Variants in CASZ1 observed in about 807,000 individuals in gnomAD.
CASZ1 encodes zinc finger protein castor homolog 1.
Under a neutral mutation model 135.2 loss-of-function variants are expected in CASZ1, and 28 were observed. The ratio of observed to expected loss-of-function variants is 0.21; its 90% CI spans 0.15 to 0.28. The LOEUF (loss-of-function observed/expected upper bound fraction) is 0.28, where lower values mean the gene tolerates loss of function less well. Among genes scored for constraint, CASZ1 ranks in the 10% least tolerant of loss-of-function variants. The pLI, the probability that CASZ1 is intolerant of heterozygous loss-of-function variation, is 1.00. For synonymous variants in CASZ1, 1,068 were observed against 1,073.4 expected (o/e 0.99, Z 0.10); for missense variants, 2,161 against 2,453.3 (o/e 0.88, Z 2.52).
intron 2 of CASZ1, among the ~76,000 whole-genome samples, chr1:10,742,567 T>C (rs1225222892): frequency 2.0e-5 from 3 of 152,164 alleles, no homozygotes; most frequent in Admixed American, 1.3e-4. Flanking sequence ...TCCCTGTCTT[T>C]CATGGCTCCC....
chr1:10,718,927 G>A (rs1247648167), intron 2 of CASZ1, among the ~76,000 whole-genome samples: 1 of 152,088 alleles, frequency 6.6e-6, no homozygotes, highest in Non-Finnish European at 1.5e-5. Flanking sequence ...AGGCTGGAGT[G>A]CATTTGTGCA....
rs1639412385 is a variant in CASZ1 at position 10,717,303 on chromosome 1, C to T, written c.-76-11759G>A. ...TGCAGCTCCCCAGTTCCCCAAACTTCCCACTTGGCTTCTCTGCCTTTCTGT... is the reference window on the plus strand; with the variant it reads ...TGCAGCTCCCCAGTTCCCCAAACTTTCCACTTGGCTTCTCTGCCTTTCTGT... On this transcript the variant is annotated intron_variant, in intron 2 of 20. Coordinates refer to ENST00000377022, the MANE Select transcript of CASZ1 (RefSeq NM_001079843.3). The surrounding 1 kb of genome is among the most constrained non-coding windows in gnomAD (Gnocchi z 4.6). Among the ~76,000 whole-genome samples, 1 of 152,212 alleles carries T rather than the reference C, an allele frequency of 6.6e-6. No homozygotes were observed. Among genetic ancestry groups the T allele is most frequent in the African/African-American group, 2.4e-5 (1 of 41,458 alleles).
chr1:10,737,265 C>A (rs563121622), intron 2 of CASZ1, among the ~76,000 whole-genome samples: 4 of 152,182 alleles, frequency 2.6e-5, no homozygotes, highest in Non-Finnish European at 5.9e-5. Context: ...TTTTCATTAG[C>A]GGTGGAGGCA....
At position 10,721,424 on chromosome 1, in the gene CASZ1, T is replaced by G. The variant is rs1409573192; in HGVS notation, c.-76-15880A>C. 6.6e-6 allele frequency among the ~76,000 whole-genome samples: 1 copy of G among 152,244 alleles called. No individual in the cohort carries two copies. Among genetic ancestry groups the G allele is most frequent in the African/African-American group, 2.4e-5 (1 of 41,458 alleles). ...GAGAGGATTTATTTGTGACATTCTG[T>G]CTGGGTGAGAGAAAACAAAAAAGGC... On this transcript the variant is annotated intron_variant, in intron 2 of 20. Coordinates refer to ENST00000377022, the MANE Select transcript of CASZ1 (RefSeq NM_001079843.3). The surrounding 1 kb of genome is among the most constrained non-coding windows in gnomAD (Gnocchi z 5.4).
rs1033881052 is a variant in CASZ1 at position 10,759,507 on chromosome 1, C to T, written c.-77+1194G>A. 3.3e-5 allele frequency among the ~76,000 whole-genome samples: 5 copies of T among 152,292 alleles called. No individual in the cohort carries two copies. Among genetic ancestry groups the T allele is most frequent in the South Asian group, 2.1e-4 (1 of 4,830 alleles). The stretch of plus-strand genomic sequence containing the variant: ...CAGCCACACAGTTGCCCCACCACAG[C>T]GACCAAAGGCCACATTTGCATCTGA... On this transcript the variant is annotated intron_variant, in intron 2 of 20. Transcript: ENST00000377022. The surrounding 1 kb of genome is among the most constrained non-coding windows in gnomAD (Gnocchi z 4.2).
rs899333278 is a variant in CASZ1 at position 10,747,163 on chromosome 1, A to G, written c.-77+13538T>C. The stretch of plus-strand genomic sequence containing the variant: ...TGCCCCAGGAGGCTCCAGCTACTCC[A>G]CCAGCTACCCCCATACCCTCTGAGC... On this transcript the variant is annotated intron_variant, in intron 2 of 20. Transcript: ENST00000377022. The surrounding 1 kb of genome is among the most constrained non-coding windows in gnomAD (Gnocchi z 4.3). 1.3e-5 allele frequency among the ~76,000 whole-genome samples: 2 copies of G among 152,188 alleles called. No individual in the cohort carries two copies. The highest frequency in any genetic ancestry group is 4.8e-5 in the African/African-American group (2 of 41,434).
At position 10,770,212 on chromosome 1, in the gene CASZ1, G is replaced by A. The variant is rs577165445; in HGVS notation, c.-233-9355C>T. On this transcript the variant is annotated intron_variant, in intron 1 of 20. Coordinates refer to ENST00000377022, the MANE Select transcript of CASZ1 (RefSeq NM_001079843.3). The stretch of plus-strand genomic sequence containing the variant: ...CCATACTCCCACCTCAGCCTCTCAA[G>A]TAGCTGGGACTACAGATGTGTACCA... Among the ~76,000 whole-genome samples, 4 of 152,114 alleles carry A rather than the reference G, an allele frequency of 2.6e-5. No homozygotes were observed. In the South Asian group the frequency reaches 6.2e-4, roughly 24 times the overall value.
intron 11 of CASZ1, chr1:10,653,003 C>T: frequency 3.4e-6 from 1 of 290,472 alleles, no homozygotes. Context: ...GGAGGAAACG[C>T]TCGGCACGCC....
rs1044153459 is a variant in CASZ1 at position 10,757,406 on chromosome 1, C to A, written c.-77+3295G>T. ...CCCCGCCTGTCCACCTCCTCCTCAC[C>A]CAGCCACCATCCTCTCACACCATCG... On this transcript the variant is annotated intron_variant, in intron 2 of 20. Coordinates refer to ENST00000377022, the MANE Select transcript of CASZ1 (RefSeq NM_001079843.3). This position sits in a 1 kb window ranked among gnomAD's most constrained non-coding sequence, Gnocchi z 4.6. Among the ~76,000 whole-genome samples the A allele has an allele frequency of 4.6e-5, 7 of 152,176 alleles. No homozygotes were observed. Among genetic ancestry groups the A allele is most frequent in the Non-Finnish European group, 8.8e-5 (6 of 68,020 alleles).
At chr1:10,750,991 T>C (rs1270598631) in intron 2 of CASZ1, among the ~76,000 whole-genome samples, 1 of 151,618 alleles carries the variant, frequency 6.6e-6, no homozygotes, top group Admixed American at 6.6e-5. Flanking sequence ...TGAGAGCTGC[T>C]GCGTGTGGAG....
In CASZ1 at chr1:10,755,835, G is replaced by A. The variant is rs759447774; in HGVS notation, c.-77+4866C>T. Among the ~76,000 whole-genome samples the A allele has an allele frequency of 2.8e-4, 42 of 152,016 alleles. No individual in the cohort carries two copies. Among genetic ancestry groups the A allele is most frequent in the Non-Finnish European group, 5.0e-4 (34 of 67,994 alleles). On this transcript the variant is annotated intron_variant, in intron 2 of 20. Coordinates refer to ENST00000377022, the MANE Select transcript of CASZ1 (RefSeq NM_001079843.3). The surrounding 1 kb of genome is among the most constrained non-coding windows in gnomAD (Gnocchi z 4.3). Reference sequence around the variant, plus strand: ...GCACCACATCACGGTGGGAGGTGGGGAACCCTCCTGCTCCCACCCCTCTGC... The same window carrying A: ...GCACCACATCACGGTGGGAGGTGGGAAACCCTCCTGCTCCCACCCCTCTGC...
chr1:10,661,262 G>A (rs1201460260), intron 5 of CASZ1: 3 of 152,304 alleles, frequency 2.0e-5, no homozygotes, highest in East Asian at 1.9e-4. Flanking sequence ...GTCACACAAG[G>A]TTGGGCCACC....
At chr1:10,744,718 G>A (rs1393813565) in intron 2 of CASZ1, among the ~76,000 whole-genome samples, 1 of 126,848 alleles carries the variant, frequency 7.9e-6, no homozygotes, top group Non-Finnish European at 1.6e-5. Context: ...ACCACGAGCA[G>A]GCATGTCCTG....
Position 10,694,220 on chromosome 1 carries a change from G to T in CASZ1, c.-23-308C>A. On this transcript the variant is annotated intron_variant, in intron 3 of 20. Coordinates refer to ENST00000377022, the MANE Select transcript of CASZ1 (RefSeq NM_001079843.3). This position sits in a 1 kb window ranked among gnomAD's most constrained non-coding sequence, Gnocchi z 6.6. Reference sequence around the variant, plus strand: ...CGAGGCCCAGGGGCGCCCCCGTCCCGCCGACCGCGCCCCGCGCCCGGGTCG... The same window carrying T: ...CGAGGCCCAGGGGCGCCCCCGTCCCTCCGACCGCGCCCCGCGCCCGGGTCG... 1 of 575,246 alleles carries T rather than the reference G, an allele frequency of 1.7e-6. No homozygotes were observed. Among genetic ancestry groups the T allele is most frequent in the Non-Finnish European group, 2.2e-6 (1 of 456,330 alleles). 35.6% of individuals were successfully genotyped at this position (575,246 alleles called of 1,614,324 possible).
chr1:10,690,691 G>A (rs900516452), intron 4 of CASZ1, among the ~76,000 whole-genome samples: 1 of 152,160 alleles, frequency 6.6e-6, no homozygotes, highest in Admixed American at 6.5e-5. Flanking sequence ...CCTGCAGTCC[G>A]TGGCCATCCC....
At chr1:10,780,939 G>A (rs1185211334) in intron 1 of CASZ1, among the ~76,000 whole-genome samples, 1 of 152,188 alleles carries the variant, frequency 6.6e-6, no homozygotes. Flanking sequence ...CTCAGTAAAT[G>A]TCTATTTCCT....
chr1:10,698,550 G>GA (rs33911603), intron 3 of CASZ1, among the ~76,000 whole-genome samples: 55,419 of 151,148 alleles, frequency 0.37, 10,393 homozygotes, highest in African/African-American at 0.45. Flanking sequence ...ATATTTCAGA[G>GA]AAAAAGAAAG....
At chr1:10,786,153 G>A (rs577969289) in intron 1 of CASZ1, among the ~76,000 whole-genome samples, 5 of 152,210 alleles carry the variant, frequency 3.3e-5, no homozygotes, top group African/African-American at 7.2e-5. Context: ...GCCTTGGGCC[G>A]GTTTCCAAGA....
At chr1:10,713,666 T>A (rs1342500766) in intron 2 of CASZ1, among the ~76,000 whole-genome samples, 3 of 152,180 alleles carry the variant, frequency 2.0e-5, no homozygotes, top group African/African-American at 7.2e-5. Context: ...TCCTGGGAGC[T>A]CTTACAGAGA....
Sources: gnomAD v4.1 joint callset for allele counts (sites outside exome capture counted in the v4.1 genomes callset) on GRCh38, gnomAD v4.1.1 for gene constraint, Gnocchi (gnomAD v3.1) non-coding constraint, MANE v1.5 for transcripts, NCBI Gene and HGNC (gene_info 2026-07-23, HGNC 2026-07-21) for gene names.